PTPRK: variants seen among roughly 807,000 people sequenced by gnomAD.
The protein encoded by PTPRK is receptor-type tyrosine-protein phosphatase kappa.
In PTPRK, 75 loss-of-function variants were observed where a neutral mutation model predicts 178.0. That is an observed-to-expected ratio of 0.42 (90% CI 0.35 to 0.51). The LOEUF (loss-of-function observed/expected upper bound fraction) is 0.51, where lower values mean the gene tolerates loss of function less well. Ranked by LOEUF, PTPRK falls within the 20% of genes least tolerant of loss-of-function variation. The pLI is 0.02. For missense variants in PTPRK, 1,441 were observed against 1,797.8 expected, an observed-to-expected ratio of 0.80 and a Z score of 3.59; for synonymous variants, 637 against 620.6, an observed-to-expected ratio of 1.03 and a Z score of -0.39.
chr6:128,271,493 A>T (rs1013582816), intron 3 of PTPRK, among the ~76,000 whole-genome samples: 1 of 152,140 alleles, frequency 6.6e-6, no homozygotes, highest in Non-Finnish European at 1.5e-5. Flanking sequence ...AATGGCTGAT[A>T]AAACCAATGT....
intron 3 of PTPRK, among the ~76,000 whole-genome samples, chr6:128,288,025 T>C (rs143254081): frequency 1.3e-5 from 2 of 152,326 alleles, no homozygotes; most frequent in African/African-American, 2.4e-5. Context: ...CACTGAGATA[T>C]GGCTTCTTCA....
Position 128,305,033 on chromosome 6 carries a change from A to G in PTPRK, c.495+17006T>C, listed in dbSNP as rs535479269. On this transcript the variant is annotated intron_variant, in intron 3 of 29. Transcript: ENST00000368226. ...AATAATTTTTTTTCTGAAGATAAAA[A>G]TAGCTCTTTATTCTACTCAAGTATT... Among the ~76,000 whole-genome samples the G allele has an allele frequency of 3.3e-5, 5 of 152,352 alleles. No individual in the cohort carries two copies. The East Asian group carries it at 7.7e-4, about 23-fold the overall frequency.
At chr6:128,449,712 A>G (rs1847508076) in intron 1 of PTPRK, among the ~76,000 whole-genome samples, 1 of 152,212 alleles carries the variant, frequency 6.6e-6, no homozygotes. Flanking sequence ...TCAGTAACTG[A>G]AAAGTCTAAC....
In PTPRK at chr6:127,995,664, C is replaced by G. The variant is rs572925158; in HGVS notation, c.2768-126G>C. 7.1e-6 allele frequency: 4 copies of G among 563,822 alleles called. No individual in the cohort carries two copies. In the African/African-American group the frequency reaches 7.6e-5, roughly 11 times the overall value. The allele number at this position is 563,822 out of a possible 1,614,324, so 34.9% of individuals were successfully genotyped here. On this transcript the variant is annotated intron_variant, in intron 17 of 29. Transcript: ENST00000368226. Reference sequence around the variant, plus strand: ...TATCCATAGTATACTACTACCAAATCAGTCCTTTGAAGAAATATAAGAATG... The same window carrying G: ...TATCCATAGTATACTACTACCAAATGAGTCCTTTGAAGAAATATAAGAATG...
intron 7 of PTPRK, among the ~76,000 whole-genome samples, chr6:128,172,033 T>G (rs1015997702): frequency 6.6e-6 from 1 of 151,932 alleles, no homozygotes; most frequent in Non-Finnish European, 1.5e-5. Flanking sequence ...AACTAATAAC[T>G]GATTTGACTA....
chr6:128,202,265 G>A (rs1271157468), intron 6 of PTPRK, among the ~76,000 whole-genome samples: 1 of 152,160 alleles, frequency 6.6e-6, no homozygotes, highest in African/African-American at 2.4e-5. Context: ...TCCCAGCCAG[G>A]GGAAGCGGTG....
chr6:128,303,073 G>A (rs899660524), intron 3 of PTPRK, among the ~76,000 whole-genome samples: 7 of 152,086 alleles, frequency 4.6e-5, no homozygotes, highest in African/African-American at 9.7e-5. Context: ...CAACATGTCC[G>A]CCTTCCTTCC....
rs1043873194 is a variant in PTPRK, at chr6:128,409,255, C to T, written c.101-11567G>A. On this transcript the variant is annotated intron_variant, in intron 1 of 29. Transcript: ENST00000368226. The stretch of plus-strand genomic sequence containing the variant: ...AAACTTATCTAAAACATGGCTATAA[C>T]TTCCTATTATTCTCCTGACATCTAA... 79 of 442,834 alleles carry T rather than the reference C, an allele frequency of 1.8e-4. 2 individuals are homozygous for T. Among genetic ancestry groups the T allele is most frequent in the Non-Finnish European group, 4.5e-6 (1 of 221,862 alleles). The allele number at this position is 442,834 out of a possible 1,614,324, so 27.4% of individuals were successfully genotyped here. A position where few individuals can be genotyped will look rare whatever the true frequency, so the allele number is the denominator to read the frequency against.
At chr6:128,171,497 TTAAGTACCA>T (rs1464936796) in intron 7 of PTPRK, among the ~76,000 whole-genome samples, 2 of 151,972 alleles carry the variant, frequency 1.3e-5, no homozygotes, top group Non-Finnish European at 2.9e-5. Flanking sequence ...TCCAGACTCT[TTAAGTACCA>T]CCTGTCCAAG....
chr6:128,015,687 C>T (rs1470973895), intron 13 of PTPRK, among the ~76,000 whole-genome samples: 1 of 151,788 alleles, frequency 6.6e-6, no homozygotes, highest in Admixed American at 6.6e-5. Context: ...TTCTGAGACA[C>T]TTTCATTCAT....
intron 3 of PTPRK, among the ~76,000 whole-genome samples, chr6:128,316,256 C>A (rs1827979319): frequency 6.6e-6 from 1 of 152,194 alleles, no homozygotes; most frequent in South Asian, 2.1e-4. Context: ...GAACTGGTAT[C>A]TCTTCCACTG....
intron 1 of PTPRK, among the ~76,000 whole-genome samples, chr6:128,444,459 T>A (rs1167360022): frequency 6.6e-6 from 1 of 152,182 alleles, no homozygotes; most frequent in Non-Finnish European, 1.5e-5. Context: ...CTTCTGTGGC[T>A]ATAAATCCCC....
At chr6:127,973,622 C>G in intron 28 of PTPRK, 42 bp downstream of exon 28, 1 of 1,602,608 alleles carries the variant, frequency 6.2e-7, no homozygotes, top group Non-Finnish European at 8.5e-7. Context: ...AGAAAATAAG[C>G]ACCAAGGCCC....
chr6:128,309,943 T>C (rs945908998), intron 3 of PTPRK, among the ~76,000 whole-genome samples: 4 of 152,098 alleles, frequency 2.6e-5, no homozygotes, highest in Non-Finnish European at 4.4e-5. Flanking sequence ...AAAAATAATA[T>C]GGAAAGTTCC....
Position 128,384,354 on chromosome 6 carries a change from C to T in PTPRK, c.223+13212G>A, listed in dbSNP as rs118022543. Reference sequence around the variant, plus strand: ...AACATATAACTTAATAGAGATATCTCGCAATACAAAGATTTTTGGACAATA... The same window carrying T: ...AACATATAACTTAATAGAGATATCTTGCAATACAAAGATTTTTGGACAATA... On this transcript the variant is annotated intron_variant, in intron 2 of 29. Coordinates refer to ENST00000368226, the MANE Select transcript of PTPRK (RefSeq NM_002844.4). 5.8e-3 allele frequency among the ~76,000 whole-genome samples: 873 copies of T among 151,436 alleles called. 2 individuals are homozygous for T. Among genetic ancestry groups the T allele is most frequent in the Non-Finnish European group, 9.1e-3 (620 of 67,858 alleles).
chr6:128,087,667 A>G (rs925830648), intron 8 of PTPRK, among the ~76,000 whole-genome samples: 8 of 152,140 alleles, frequency 5.3e-5, no homozygotes, highest in Non-Finnish European at 8.8e-5. Flanking sequence ...TTCAAACATG[A>G]TAGCTAAAGT....
At chr6:128,310,402 A>G (rs1016256830) in intron 3 of PTPRK, among the ~76,000 whole-genome samples, 9 of 152,198 alleles carry the variant, frequency 5.9e-5, no homozygotes, top group African/African-American at 2.2e-4. Context: ...AGCACAGGAT[A>G]ACGTTGCCTT....
At chr6:128,454,211 T>A (rs1489606881) in intron 1 of PTPRK, among the ~76,000 whole-genome samples, 1 of 152,182 alleles carries the variant, frequency 6.6e-6, no homozygotes, top group East Asian at 1.9e-4. Flanking sequence ...ACTGGCACCT[T>A]GACCTTGGAT....
chr6:128,423,421 TGTGA>T (rs1305338482), intron 1 of PTPRK, among the ~76,000 whole-genome samples: 1 of 152,108 alleles, frequency 6.6e-6, no homozygotes, highest in Non-Finnish European at 1.5e-5. Flanking sequence ...TATGTGTGAG[TGTGA>T]GTGTGTTTGT....
Sources: gnomAD v4.1 joint callset for allele counts (sites outside exome capture counted in the v4.1 genomes callset) on GRCh38, gnomAD v4.1.1 for gene constraint, MANE v1.5 for transcripts, NCBI Gene and HGNC (gene_info 2026-07-23, HGNC 2026-07-21) for gene names.